Variants in RASAL2 observed in about 807,000 individuals in gnomAD.
RASAL2 encodes RAS protein activator like 2.
In RASAL2, 58 loss-of-function variants were observed where a neutral mutation model predicts 128.9. That is an observed-to-expected ratio of 0.45 (90% CI 0.36 to 0.56). RASAL2 has a LOEUF of 0.56. Among genes scored for constraint, RASAL2 ranks in the 20% least tolerant of loss-of-function variants. The pLI is 0.00. For missense variants in RASAL2, 1,360 were observed against 1,601.6 expected (o/e 0.85, Z 2.57); for synonymous variants, 561 against 580.8 (o/e 0.97, Z 0.49).
chr1:178,222,191 ACG>A (rs1189308828), intron 1 of RASAL2, among the ~76,000 whole-genome samples: 1 of 152,146 alleles, frequency 6.6e-6, no homozygotes, highest in East Asian at 1.9e-4. Flanking sequence ...ATTTATTCTA[ACG>A]GTCTCTATTT....
At chr1:178,161,788 T>C (rs1558088246) in intron 1 of RASAL2, among the ~76,000 whole-genome samples, 1 of 152,028 alleles carries the variant, frequency 6.6e-6, no homozygotes, top group Non-Finnish European at 1.5e-5. Flanking sequence ...ATAGCCTTCC[T>C]AGTGGGTGTG....
intron 3 of RASAL2, among the ~76,000 whole-genome samples, chr1:178,366,057 TCAAC>T (rs1396577045): frequency 1.3e-5 from 2 of 152,212 alleles, no homozygotes; most frequent in Admixed American, 1.3e-4. Flanking sequence ...CCTTAAAATG[TCAAC>T]CAACATCAAT....
At chr1:178,152,203 T>G (rs1571551464) in intron 1 of RASAL2, among the ~76,000 whole-genome samples, 1 of 152,044 alleles carries the variant, frequency 6.6e-6, no homozygotes, top group Non-Finnish European at 1.5e-5. Context: ...CTGTAGGAGC[T>G]CTTCCTTAAA....
chr1:178,465,811 G>GA (rs1558013011), intron 15 of RASAL2, 109 bp from the exon 16 acceptor site: 1 of 1,070,266 alleles, frequency 9.3e-7, no homozygotes, highest in African/African-American at 1.7e-5. Flanking sequence ...TTAAAAAAAA[G>GA]AAAAAAGAAA....
intron 1 of RASAL2, among the ~76,000 whole-genome samples, chr1:178,096,889 C>T (rs1159131442): frequency 2.6e-5 from 4 of 152,104 alleles, no homozygotes; most frequent in African/African-American, 7.2e-5. Flanking sequence ...TGACTCTTGG[C>T]TATGTCCTTA....
At chr1:178,345,919 A>G (rs1044014207) in intron 3 of RASAL2, among the ~76,000 whole-genome samples, 1 of 152,310 alleles carries the variant, frequency 6.6e-6, no homozygotes, top group African/African-American at 2.4e-5. Context: ...CAGTATGATT[A>G]TAGAATATTT....
intron 1 of RASAL2, among the ~76,000 whole-genome samples, chr1:178,152,840 C>T (rs1202533090): frequency 6.6e-6 from 1 of 152,062 alleles, no homozygotes; most frequent in Non-Finnish European, 1.5e-5. Flanking sequence ...CCAGTCACAC[C>T]CTTTCAGATT....
rs921873159 is a variant in RASAL2 at position 178,320,215 on chromosome 1, T to C, written c.457+20097T>C. ...TCTTCAAAGCTGTCAGACAGGGACA[T>C]TTAAGTCTGCAGAGGTTACTGCTGT... On this transcript the variant is annotated intron_variant, in intron 3 of 17. Coordinates refer to ENST00000367649, the MANE Select transcript of RASAL2 (RefSeq NM_170692.4). 5.9e-5 allele frequency among the ~76,000 whole-genome samples: 9 copies of C among 151,858 alleles called. No individual in the cohort carries two copies. In the East Asian group the frequency reaches 9.7e-4, roughly 16 times the overall value.
intron 1 of RASAL2, among the ~76,000 whole-genome samples, chr1:178,277,161 A>C (rs540214016): frequency 1.3e-5 from 2 of 151,876 alleles, no homozygotes; most frequent in South Asian, 2.1e-4. Context: ...AAAAAAAAAA[A>C]AAAAAAAAAC....
At chr1:178,390,014 G>C in intron 3 of RASAL2, 86 bp from the exon 4 acceptor site, 2 of 818,590 alleles carry the variant, frequency 2.4e-6, no homozygotes, top group South Asian at 3.6e-5. Flanking sequence ...CTGGTTTATT[G>C]TGAAAAACCA....
chr1:178,466,541 A>G (rs893558558), intron 16 of RASAL2, among the ~76,000 whole-genome samples: 1 of 152,262 alleles, frequency 6.6e-6, no homozygotes, highest in Non-Finnish European at 1.5e-5. Flanking sequence ...AGGGAGGGTC[A>G]GTTTTACCAA....
chr1:178,363,941 A>G (rs540251296), intron 3 of RASAL2, among the ~76,000 whole-genome samples: 2 of 152,188 alleles, frequency 1.3e-5, no homozygotes, highest in Admixed American at 1.3e-4. Flanking sequence ...CTAAAAATAC[A>G]AAAAATTAGC....
intron 1 of RASAL2, among the ~76,000 whole-genome samples, chr1:178,113,510 G>A (rs968034816): frequency 9.2e-5 from 11 of 119,620 alleles, no homozygotes; most frequent in Middle Eastern, 4.2e-3. Context: ...GCATGCCTGC[G>A]AGTGTGTGTG....
chr1:178,114,220 T>G (rs931766498), intron 1 of RASAL2, among the ~76,000 whole-genome samples: 9 of 152,186 alleles, frequency 5.9e-5, no homozygotes, highest in African/African-American at 1.9e-4. Context: ...GTATAATGTT[T>G]AATGAAGTGG....
Position 178,119,759 on chromosome 1 carries a change from A to G in RASAL2, c.202+25065A>G, listed in dbSNP as rs116167798. On this transcript the variant is annotated intron_variant, in intron 1 of 17. Transcript: ENST00000367649. ...CTGTTGCCTTGTTGTCAACATCGGT[A>G]GACTTGTCAATCTGGATTGCCTACC... is the stretch of plus-strand genomic sequence containing the variant. Among the ~76,000 whole-genome samples, 661 of 152,326 alleles carry G rather than the reference A, an allele frequency of 4.3e-3. 15 individuals are homozygous for G. The highest frequency in any genetic ancestry group is 0.015 in the African/African-American group (635 of 41,572).
intron 3 of RASAL2, among the ~76,000 whole-genome samples, chr1:178,327,070 A>G (rs1669074075): frequency 6.6e-6 from 1 of 152,210 alleles, no homozygotes; most frequent in African/African-American, 2.4e-5. Flanking sequence ...GAACAATCTC[A>G]TTCTAACTTA....
intron 1 of RASAL2, among the ~76,000 whole-genome samples, chr1:178,244,071 T>C (rs1182840161): frequency 1.3e-5 from 2 of 152,206 alleles, no homozygotes; most frequent in Non-Finnish European, 2.9e-5. Flanking sequence ...CTGTGAAATT[T>C]TATCTTTTTG....
At position 178,094,598 on chromosome 1, in the gene RASAL2, G is replaced by A. The variant is rs1475139856; in HGVS notation, c.106G>A (p.Ala36Thr). 6.2e-7 allele frequency: 1 copy of A among 1,611,950 alleles called. No homozygotes were observed. Among genetic ancestry groups the A allele is most frequent in the Non-Finnish European group, 8.5e-7 (1 of 1,179,212 alleles). The change falls in exon 1 of 18, where the codon GCG (alanine) becomes ACG (threonine). Residue 36 changes from alanine (A) to threonine (T), a missense_variant. This residue lies in a region of RASAL2 where 617 missense variants were observed against 714.2 expected (regional missense o/e 0.86). Transcript: ENST00000367649. ...GCCGCTGCCCCCGGAGGACCTGGAC[G>A]CGGTTGTCCCAGTCAGTGGAGCCGT... ...DSPLPPEDLD[A>T]VVPVSGAVAG...
intron 2 of RASAL2, among the ~76,000 whole-genome samples, chr1:178,288,142 C>T (rs764463717): frequency 5.3e-5 from 8 of 152,126 alleles, no homozygotes; most frequent in Non-Finnish European, 1.2e-4. Context: ...GTAGGCTGTA[C>T]AAACCCACTG....
Sources: gnomAD v4.1 joint callset for allele counts (sites outside exome capture counted in the v4.1 genomes callset) on GRCh38, gnomAD v4.1.1 for gene constraint, gnomAD v4.1.1 regional missense constraint, MANE v1.5 for transcripts, NCBI Gene and HGNC (gene_info 2026-07-23, HGNC 2026-07-21) for gene names.